FMNL2: variants seen among roughly 807,000 people sequenced by gnomAD.
The protein encoded by FMNL2 is formin like 2.
In FMNL2, 51 loss-of-function variants were observed where a neutral mutation model predicts 130.2. The ratio of observed to expected loss-of-function variants is 0.39; its 90% CI spans 0.31 to 0.49. The LOEUF (loss-of-function observed/expected upper bound fraction) is 0.49. Among genes scored for constraint, FMNL2 ranks in the 20% least tolerant of loss-of-function variants. The pLI is 0.85. For missense variants in FMNL2, 977 were observed against 1,316.2 expected (o/e 0.74, Z 3.99); for synonymous variants, 465 against 467.1 (o/e 1.00, Z 0.06).
chr2:152,429,161 A>G (rs1225589245), intron 1 of FMNL2, among the ~76,000 whole-genome samples: 1 of 151,474 alleles, frequency 6.6e-6, no homozygotes, highest in Non-Finnish European at 1.5e-5. Flanking sequence ...CATCCTGCAC[A>G]TGTACCCCTG....
At chr2:152,554,231 C>A (rs1695090780) in intron 4 of FMNL2, among the ~76,000 whole-genome samples, 2 of 152,066 alleles carry the variant, frequency 1.3e-5, no homozygotes, top group African/African-American at 4.8e-5. Context: ...ACATGGTGAA[C>A]CCCTGTCTCT....
At chr2:152,480,133 G>A (rs1005764246) in intron 1 of FMNL2, among the ~76,000 whole-genome samples, 2 of 152,152 alleles carry the variant, frequency 1.3e-5, no homozygotes, top group South Asian at 2.1e-4. Context: ...CCAGAATGAC[G>A]TAGGTGGTGT....
intron 9 of FMNL2, among the ~76,000 whole-genome samples, chr2:152,593,904 A>G (rs62179593): frequency 1.5e-5 from 1 of 66,354 alleles, no homozygotes; most frequent in Non-Finnish European, 3.3e-5. Context: ...TGTGTGTGTG[A>G]GAGAGAGAGA....
At chr2:152,492,331 A>G (rs1261287090) in intron 1 of FMNL2, among the ~76,000 whole-genome samples, 4 of 152,216 alleles carry the variant, frequency 2.6e-5, no homozygotes, top group African/African-American at 9.6e-5. Context: ...CAGGAACTTC[A>G]TTTCGGGGAA....
At position 152,619,099 on chromosome 2, in the gene FMNL2, C is replaced by T. The variant is rs1699099957; in HGVS notation, c.1568C>T (p.Ser523Leu). ...GGACCCACAATGGGGGCCGCTTCCT[C>T]AGGACCCTTGCCCCCTCCTCCACCA... ...SVGPTMGAASSGPLPPPPPPL... is the reference protein window; with the variant it reads ...SVGPTMGAASLGPLPPPPPPL... Residue 523 changes from serine (S) to leucine (L), a missense_variant, in exon 14 of 26, where the codon TCA becomes TTA. By Grantham distance (145) the Ser-to-Leu change is moderately radical (BLOSUM62 -2). Transcript: ENST00000288670. 2 of 1,609,558 alleles carry T rather than the reference C, an allele frequency of 1.2e-6. No individual in the cohort carries two copies. Among genetic ancestry groups the T allele is most frequent in the Non-Finnish European group, 8.5e-7 (1 of 1,176,758 alleles).
rs755912179 is a variant in FMNL2, at chr2:152,640,924, A to G, written c.3169+10A>G. ...GAAGATATTATCACAGGTAAAAGAT[A>G]TTTCTTCACTGTGGCCCATGGAGAT... On this transcript the variant is annotated intron_variant, in intron 25 of 25. Coordinates refer to ENST00000288670, the MANE Select transcript of FMNL2 (RefSeq NM_052905.4). The G allele has an allele frequency of 8.1e-6, 13 of 1,613,276 alleles. No homozygotes were observed. The East Asian group carries it at 2.7e-4, about 33-fold the overall frequency.
At chr2:152,589,443 C>G (rs1697263974) in intron 9 of FMNL2, among the ~76,000 whole-genome samples, 1 of 152,138 alleles carries the variant, frequency 6.6e-6, no homozygotes, top group Non-Finnish European at 1.5e-5. Flanking sequence ...CATATGTGCC[C>G]TTATTTCATA....
rs1696784352 is a variant in FMNL2 at position 152,581,594 on chromosome 2, C to A, written c.876+545C>A. 3.3e-5 allele frequency among the ~76,000 whole-genome samples: 5 copies of A among 152,218 alleles called. No individual in the cohort carries two copies. In the South Asian group the frequency reaches 1.0e-3, roughly 32 times the overall value. On this transcript the variant is annotated intron_variant, in intron 9 of 25. Transcript: ENST00000288670. ...GGGATTACACAAAGACAATATGACG[C>A]CGCGGGCCCTGCCCCAGCGTATCCA...
At chr2:152,523,794 GTATT>G (rs1693237376) in intron 2 of FMNL2, among the ~76,000 whole-genome samples, 1 of 152,138 alleles carries the variant, frequency 6.6e-6, no homozygotes, top group African/African-American at 2.4e-5. Context: ...TGTTTTGTAA[GTATT>G]TATTTAAGTG....
At chr2:152,504,288 G>T (rs1301115539) in intron 1 of FMNL2, among the ~76,000 whole-genome samples, 1 of 149,908 alleles carries the variant, frequency 6.7e-6, no homozygotes, top group Non-Finnish European at 1.5e-5. Flanking sequence ...TCGAGACGGG[G>T]TCTTGCTGTG....
Position 152,542,775 on chromosome 2 carries a change from A to G in FMNL2, c.238A>G (p.Ile80Val). 1 of 1,614,072 alleles carries G rather than the reference A, an allele frequency of 6.2e-7. No individual in the cohort carries two copies. The highest frequency in any genetic ancestry group is 8.5e-7 in the Non-Finnish European group (1 of 1,179,914). The change falls in exon 3 of 26, where the codon ATT becomes GTT. Residue 80 changes from isoleucine to valine, a missense_variant. Ile to Val is a conservative substitution (Grantham distance 29, BLOSUM62 3). This residue lies in a region of FMNL2 where 117 missense variants were observed against 134.9 expected (regional missense o/e 0.87). Transcript: ENST00000288670. ...FQVKNPPHTYIQKLKGYLDPA... is the reference protein window; with the variant it reads ...FQVKNPPHTYVQKLKGYLDPA... ...GGTGAAGAATCCTCCCCATACATAC[A>G]TTCAAAAGCTCAAAGGCTATCTGGA... is the stretch of plus-strand genomic sequence containing the variant.
At chr2:152,596,209 C>T (rs969457729) in intron 9 of FMNL2, among the ~76,000 whole-genome samples, 3 of 151,894 alleles carry the variant, frequency 2.0e-5, no homozygotes, top group Non-Finnish European at 4.4e-5. Context: ...GTGATCCGCC[C>T]ACCTCGGCCT....
rs185433050 is a variant in FMNL2, at chr2:152,473,523, G to A, written c.118-48420G>A. ...TTTTCATGGTCCACTTATTTTTAGT[G>A]TACTGAGATGGTCTAATACACAAGT... On this transcript the variant is annotated intron_variant, in intron 1 of 25. Transcript: ENST00000288670. Among the ~76,000 whole-genome samples, 171 of 152,252 alleles carry A rather than the reference G, an allele frequency of 1.1e-3. 1 individual carries two copies. The highest frequency in any genetic ancestry group is 4.0e-3 in the African/African-American group (165 of 41,542).
At chr2:152,573,474 GT>G (rs1696297232) in intron 6 of FMNL2, among the ~76,000 whole-genome samples, 1 of 152,128 alleles carries the variant, frequency 6.6e-6, no homozygotes, top group Admixed American at 6.5e-5. Context: ...GAGACTTCTG[GT>G]TTTGCCTGGT....
At chr2:152,387,669 A>T (rs569250928) in intron 1 of FMNL2, among the ~76,000 whole-genome samples, 3 of 150,120 alleles carry the variant, frequency 2.0e-5, no homozygotes, top group Non-Finnish European at 4.4e-5. Context: ...TTTTGGTGGG[A>T]ATTGGAGTTG....
chr2:152,643,502 C>T (rs1477098233), intron 25 of FMNL2: 1 of 1,536,080 alleles, frequency 6.5e-7, no homozygotes, highest in South Asian at 1.2e-5. Context: ...TGAGGAATAC[C>T]ATTACTAAAC....
intron 1 of FMNL2, among the ~76,000 whole-genome samples, chr2:152,505,191 A>G (rs1692092092): frequency 6.6e-6 from 1 of 152,202 alleles, no homozygotes; most frequent in East Asian, 1.9e-4. Flanking sequence ...TTTTGTGAGA[A>G]AGAAAATCTT....
intron 20 of FMNL2, among the ~76,000 whole-genome samples, chr2:152,631,012 ACT>A (rs931690955): frequency 6.6e-6 from 1 of 151,958 alleles, no homozygotes; most frequent in Non-Finnish European, 1.5e-5. Context: ...CTATATATAC[ACT>A]GTTTTTTTTC....
chr2:152,624,740 G>T (rs1261756654), intron 15 of FMNL2, among the ~76,000 whole-genome samples: 1 of 152,166 alleles, frequency 6.6e-6, no homozygotes, highest in Non-Finnish European at 1.5e-5. Context: ...TGGAGGCTGA[G>T]GTGGGAGGAT....
Sources: gnomAD v4.1 joint callset for allele counts (sites outside exome capture counted in the v4.1 genomes callset) on GRCh38, gnomAD v4.1.1 for gene constraint, gnomAD v4.1.1 regional missense constraint, MANE v1.5 for transcripts, NCBI Gene and HGNC (gene_info 2026-07-23, HGNC 2026-07-21) for gene names.